ALG10B: variants seen among roughly 807,000 people sequenced by gnomAD.
The protein encoded by ALG10B is ALG10 alpha-1,2-glucosyltransferase B.
A neutral mutation model predicts 38.7 loss-of-function variants in ALG10B; 27 were observed. The ratio of observed to expected loss-of-function variants is 0.70; its 90% CI spans 0.51 to 0.96. The LOEUF is 0.96. ALG10B is among the 40% of genes least tolerant of loss of function. The pLI is 0.00. For missense variants in ALG10B, 522 were observed against 542.7 expected (o/e 0.96, Z 0.38); for synonymous variants, 177 against 193.3 (o/e 0.92, Z 0.70).
Position 38,326,960 on chromosome 12 carries a change from T to C in ALG10B, c.*5747T>C, listed in dbSNP as rs1591941259. 6.6e-6 allele frequency: 1 copy of C among 151,130 alleles called. No individual in the cohort carries two copies. The highest frequency in any genetic ancestry group is 1.9e-4 in the East Asian group (1 of 5,184). 9.4% of individuals were successfully genotyped at this position (151,130 alleles called of 1,614,324 possible). Reference sequence around the variant, plus strand: ...GATGAATTTAATGTTAATTAAATTTTATCTCAGCCTATCACCATCAGACCA... The same window carrying C: ...GATGAATTTAATGTTAATTAAATTTCATCTCAGCCTATCACCATCAGACCA... On this transcript the variant is annotated 3_prime_UTR_variant, in exon 3 of 3. Transcript: ENST00000308742.
In ALG10B at chr12:38,324,089, A is replaced by G. The variant is rs1945723707; in HGVS notation, c.*2876A>G. 1 of 604,296 alleles carries G rather than the reference A, an allele frequency of 1.7e-6. No individual in the cohort carries two copies. The highest frequency in any genetic ancestry group is 3.0e-6 in the Non-Finnish European group (1 of 338,408). The allele number at this position is 604,296 out of a possible 1,614,324, so 37.4% of individuals were successfully genotyped here. On this transcript the variant is annotated 3_prime_UTR_variant, in exon 3 of 3. Coordinates refer to ENST00000308742, the MANE Select transcript of ALG10B (RefSeq NM_001013620.4). ...CTCTTGTCCCCCAGGCTGGAATGCA[A>G]TGGCGCGATCTTGGCTCACTGAAAC...
Position 38,317,162 on chromosome 12 carries a change from AC to A in ALG10B, c.171+102del, listed in dbSNP as rs1245013760. 12 of 1,542,570 alleles carry A rather than the reference AC, an allele frequency of 7.8e-6. No individual in the cohort carries two copies. In the Admixed American group the frequency reaches 2.1e-4, roughly 27 times the overall value. The stretch of plus-strand genomic sequence containing the variant: ...CTTTAGACTTAACTCGTCCCTTTCC[AC>A]CCCACCCCAGCCTCAGAACATGAAA... On this transcript the variant is annotated intron_variant, in intron 1 of 2. Coordinates refer to ENST00000308742, the MANE Select transcript of ALG10B (RefSeq NM_001013620.4).
At position 38,316,779 on chromosome 12, in the gene ALG10B, C is replaced by G; in HGVS notation, c.-115C>G. 1 of 1,564,144 alleles carries G rather than the reference C, an allele frequency of 6.4e-7. No individual in the cohort carries two copies. The highest frequency in any genetic ancestry group is 8.8e-7 in the Non-Finnish European group (1 of 1,138,090). The stretch of plus-strand genomic sequence containing the variant: ...CATCCTTTGCCTTCCGGTATGTGGC[C>G]CCGTCTGGCTAGTCCTGTCTAGCGC... On this transcript the variant is annotated 5_prime_UTR_variant, in exon 1 of 3. Transcript: ENST00000308742.
At position 38,324,096 on chromosome 12, in the gene ALG10B, G is replaced by A. The variant is rs147846597; in HGVS notation, c.*2883G>A. ...CCCCCAGGCTGGAATGCAATGGCGC[G>A]ATCTTGGCTCACTGAAACCTCCACC... On this transcript the variant is annotated 3_prime_UTR_variant, in exon 3 of 3. Coordinates refer to ENST00000308742, the MANE Select transcript of ALG10B (RefSeq NM_001013620.4). The A allele has an allele frequency of 0.018, 10,670 of 582,500 alleles. 134 individuals carry two copies. Among genetic ancestry groups the A allele is most frequent in the Middle Eastern group, 0.025 (94 of 3,780 alleles). The allele number at this position is 582,500 out of a possible 1,614,324, so 36.1% of individuals were successfully genotyped here.
chr12:38,323,782 A>G lies in ALG10B; in HGVS notation c.*2569A>G. 1 of 646,746 alleles carries G rather than the reference A, an allele frequency of 1.5e-6. No individual in the cohort carries two copies. The highest frequency in any genetic ancestry group is 2.7e-6 in the Non-Finnish European group (1 of 363,814). 40.1% of individuals were successfully genotyped at this position (646,746 alleles called of 1,614,324 possible). The stretch of plus-strand genomic sequence containing the variant: ...TTAGATGAGAGAGGACACTCAAAGA[A>G]ATTATACTTTTGTCATTAATTTACT... On this transcript the variant is annotated 3_prime_UTR_variant, in exon 3 of 3. Coordinates refer to ENST00000308742, the MANE Select transcript of ALG10B (RefSeq NM_001013620.4).
At chr12:38,318,204 G>A (rs1945672581) in intron 1 of ALG10B, 57 bp from the exon 2 acceptor site, 1 of 1,600,636 alleles carries the variant, frequency 6.2e-7, no homozygotes, top group Non-Finnish European at 8.6e-7. Flanking sequence ...TGACATATTT[G>A]TGTCTGTCTT....
Position 38,320,624 on chromosome 12 carries a change from A to T in ALG10B, c.833A>T (p.Asp278Val). 6.2e-7 allele frequency: 1 copy of T among 1,614,024 alleles called. No homozygotes were observed. The highest frequency in any genetic ancestry group is 8.5e-7 in the Non-Finnish European group (1 of 1,179,950). ...GTTAATGGTGGAATTGTTATTGGCG[A>T]TCGGAGTAGTCATGAAGCCTGTCTT... ...VVVNGGIVIGDRSSHEACLHF... is the reference protein window; with the variant it reads ...VVVNGGIVIGVRSSHEACLHF... Residue 278 changes from aspartate to valine, a missense_variant, in exon 3 of 3, where the codon GAT becomes GTT. Asp to Val is a radical substitution (Grantham distance 152). Transcript: ENST00000308742.
Position 38,328,178 on chromosome 12 carries a change from A to G in ALG10B, c.*6965A>G, listed in dbSNP as rs933054587. 5.3e-5 allele frequency: 8 copies of G among 152,170 alleles called. No homozygotes were observed. Among genetic ancestry groups the G allele is most frequent in the African/African-American group, 1.9e-4 (8 of 41,448 alleles). The allele number at this position is 152,170 out of a possible 1,614,324, so 9.4% of individuals were successfully genotyped here. ...AAGCTCTGTAATTTTTAAATTCTAA[A>G]TTTTGTTACAGCTAATTTTTAAAAA... On this transcript the variant is annotated 3_prime_UTR_variant, in exon 3 of 3. Transcript: ENST00000308742.
chr12:38,319,596 A>G (rs1304733110), intron 2 of ALG10B, among the ~76,000 whole-genome samples: 2 of 152,222 alleles, frequency 1.3e-5, no homozygotes, highest in Admixed American at 1.3e-4. Context: ...AATAAGATAT[A>G]TAAGTTTAGA....
In ALG10B at chr12:38,320,417, G is replaced by A; in HGVS notation, c.626G>A (p.Trp209Ter). The A allele has an allele frequency of 1.9e-6, 3 of 1,614,008 alleles. No homozygotes were observed. In the South Asian group the frequency reaches 3.3e-5, roughly 18 times the overall value. ...NVIAQKLTEA[W>*]KTELQKKEDR... is the part of the protein sequence containing the mutation. ...ATTGCACAAAAGTTAACTGAGGCTT[G>A]GAAAACTGAGCTACAAAAGAAGGAA... The change falls in exon 3 of 3, where the codon TGG becomes TAG. Residue 209 changes from tryptophan (W) to a stop codon, truncating the protein, a stop_gained. Transcript: ENST00000308742. LOFTEE classifies it high-confidence loss of function.
Position 38,325,571 on chromosome 12 carries a change from T to G in ALG10B, c.*4358T>G, listed in dbSNP as rs1204465512. 6.6e-6 allele frequency: 1 copy of G among 152,240 alleles called. No individual in the cohort carries two copies. Among genetic ancestry groups the G allele is most frequent in the Non-Finnish European group, 1.5e-5 (1 of 68,016 alleles). 9.4% of individuals were successfully genotyped at this position (152,240 alleles called of 1,614,324 possible). ...AAGCGTTTATTATCTTTGAAGTAAT[T>G]GGAATTTCATTAAAAAGTGAAGCAA... On this transcript the variant is annotated 3_prime_UTR_variant, in exon 3 of 3. Coordinates refer to ENST00000308742, the MANE Select transcript of ALG10B (RefSeq NM_001013620.4).
chr12:38,327,165 G>A lies in ALG10B; in HGVS notation c.*5952G>A, dbSNP rs1346793970. 2 of 140,572 alleles carry A rather than the reference G, an allele frequency of 1.4e-5. No homozygotes were observed. The highest frequency in any genetic ancestry group is 3.0e-5 in the Non-Finnish European group (2 of 65,640). The allele number at this position is 140,572 out of a possible 1,614,324, so 8.7% of individuals were successfully genotyped here. On this transcript the variant is annotated 3_prime_UTR_variant, in exon 3 of 3. Coordinates refer to ENST00000308742, the MANE Select transcript of ALG10B (RefSeq NM_001013620.4). Reference sequence around the variant, plus strand: ...AATTGAGACAGGGTGTCACTATGTTGTGTGGGCTGGTCTCAAAACACCTGC... The same window carrying A: ...AATTGAGACAGGGTGTCACTATGTTATGTGGGCTGGTCTCAAAACACCTGC...
rs759908088 is a variant in ALG10B, at chr12:38,325,215, A to G, written c.*4002A>G. 2.6e-5 allele frequency: 4 copies of G among 152,344 alleles called. No homozygotes were observed. The highest frequency in any genetic ancestry group is 4.4e-5 in the Non-Finnish European group (3 of 68,016). The allele number at this position is 152,344 out of a possible 1,614,324, so 9.4% of individuals were successfully genotyped here. A position where few individuals can be genotyped will look rare whatever the true frequency, so the allele number is the denominator to read the frequency against. ...TTTAAACTTAGCATCTCATTTTGGC[A>G]AGATAAATTATTTTAGCTGTCTGGC... On this transcript the variant is annotated 3_prime_UTR_variant, in exon 3 of 3. Transcript: ENST00000308742.
intron 2 of ALG10B, among the ~76,000 whole-genome samples, chr12:38,318,887 C>T (rs1945679039): frequency 6.6e-6 from 1 of 152,190 alleles, no homozygotes; most frequent in African/African-American, 2.4e-5. Context: ...CTCCCTGCCA[C>T]TTAACCAGTT....
At position 38,327,581 on chromosome 12, in the gene ALG10B, T is replaced by C. The variant is rs1328595670; in HGVS notation, c.*6368T>C. On this transcript the variant is annotated 3_prime_UTR_variant, in exon 3 of 3. Coordinates refer to ENST00000308742, the MANE Select transcript of ALG10B (RefSeq NM_001013620.4). ...CACACTGTCACTAAATGAACATAGA[T>C]TGGTATGACTCCCAAGCCTGTGAGT... 2.0e-5 allele frequency: 3 copies of C among 152,162 alleles called. No homozygotes were observed. 9.4% of individuals were successfully genotyped at this position (152,162 alleles called of 1,614,324 possible).
Position 38,329,487 on chromosome 12 carries a change from C to A in ALG10B, c.*8274C>A, listed in dbSNP as rs373727942. 8 of 324,714 alleles carry A rather than the reference C, an allele frequency of 2.5e-5. No homozygotes were observed. The highest frequency in any genetic ancestry group is 1.6e-4 in the South Asian group (1 of 6,346). 20.1% of individuals were successfully genotyped at this position (324,714 alleles called of 1,614,324 possible). A position where few individuals can be genotyped will look rare whatever the true frequency, so the allele number is the denominator to read the frequency against. ...ACATACTTTAGATATTTGAAAAATTCTCTGTGGAATCACAATCTCTTATTT... is the reference window on the plus strand; with the variant it reads ...ACATACTTTAGATATTTGAAAAATTATCTGTGGAATCACAATCTCTTATTT... On this transcript the variant is annotated 3_prime_UTR_variant, in exon 3 of 3. Transcript: ENST00000308742.
At chr12:38,318,108 A>C in intron 1 of ALG10B, 153 bp from the exon 2 acceptor site, 2 of 1,012,324 alleles carry the variant, frequency 2.0e-6, no homozygotes, top group South Asian at 1.4e-5. Flanking sequence ...AGAAAAACTA[A>C]TCCTGTTCTG....
rs1260407650 is a variant in ALG10B, at chr12:38,325,082, G to T, written c.*3869G>T. The T allele has an allele frequency of 6.6e-6, 1 of 152,122 alleles. No individual in the cohort carries two copies. Among genetic ancestry groups the T allele is most frequent in the Non-Finnish European group, 1.5e-5 (1 of 67,990 alleles). 9.4% of individuals were successfully genotyped at this position (152,122 alleles called of 1,614,324 possible). On this transcript the variant is annotated 3_prime_UTR_variant, in exon 3 of 3. Transcript: ENST00000308742. Reference sequence around the variant, plus strand: ...TTTAGGTAGCATGAGTAAGATTCAGGTATGCTGTGAATTTTGTTAACGTTT... The same window carrying T: ...TTTAGGTAGCATGAGTAAGATTCAGTTATGCTGTGAATTTTGTTAACGTTT...
At chr12:38,318,045 T>A in intron 1 of ALG10B, 1 of 590,444 alleles carries the variant, frequency 1.7e-6, no homozygotes, top group Non-Finnish European at 3.0e-6. Flanking sequence ...AGTTGTTGTT[T>A]ATTGGTTGCT....
Sources: gnomAD v4.1 joint callset for allele counts (sites outside exome capture counted in the v4.1 genomes callset) on GRCh38, gnomAD v4.1.1 for gene constraint, MANE v1.5 for transcripts, NCBI Gene and HGNC (gene_info 2026-07-23, HGNC 2026-07-21) for gene names.